The following NRDC variants were observed in gnomAD, a reference collection of about 807,000 sequenced individuals.
NRDC encodes nardilysin convertase, also known as nardilysin.
In NRDC, 54 loss-of-function variants were observed where a neutral mutation model predicts 147.1. The observed-to-expected ratio is 0.37, with a 90% confidence interval of 0.29 to 0.46. The LOEUF (loss-of-function observed/expected upper bound fraction) is 0.46, where lower values mean the gene tolerates loss of function less well. Ranked by LOEUF, NRDC falls within the 20% of genes least tolerant of loss-of-function variation. The probability of loss-of-function intolerance (pLI) is 1.00; values close to 1 mark genes in which losing one functional copy is unlikely to be tolerated. For synonymous variants in NRDC, 440 were observed against 482.1 expected (o/e 0.91, Z 1.14); for missense variants, 1,082 against 1,370.6 (o/e 0.79, Z 3.33).
At chr1:51,791,789 C>A in intron 26 of NRDC, 128 bp from the exon 27 acceptor site, 7 of 782,372 alleles carry the variant, frequency 8.9e-6, no homozygotes, top group Non-Finnish European at 1.5e-5. Flanking sequence ...GAAACAGGAC[C>A]CAAAAATGTT....
intron 3 of NRDC, among the ~76,000 whole-genome samples, chr1:51,835,146 C>T (rs542388826): frequency 6.6e-5 from 10 of 152,276 alleles, no homozygotes; most frequent in South Asian, 4.1e-4. Flanking sequence ...ACTGCAACCT[C>T]CGCCTCTTGG....
At chr1:51,822,175 T>A (rs1357986343) in intron 7 of NRDC, among the ~76,000 whole-genome samples, 1 of 152,130 alleles carries the variant, frequency 6.6e-6, no homozygotes, top group East Asian at 1.9e-4. Context: ...TTGCTTTATC[T>A]GAGTGACCAT....
intron 20 of NRDC, among the ~76,000 whole-genome samples, chr1:51,802,289 A>C (rs1679246127): frequency 6.6e-6 from 1 of 152,118 alleles, no homozygotes; most frequent in South Asian, 2.1e-4. Context: ...CTTTTTGCTA[A>C]ACTGGATTTA....
rs140614740 is a variant in NRDC, at chr1:51,817,188, G to A, written c.1362-799C>T. ...CAAGATATGATTTTCAACTATGTTA[G>A]GCAATCCTTAAAGCCCATACAACCT... On this transcript the variant is annotated intron_variant, in intron 10 of 30. Coordinates refer to ENST00000352171, the MANE Select transcript of NRDC (RefSeq NM_001101662.2). 7.6e-3 allele frequency among the ~76,000 whole-genome samples: 1,157 copies of A among 152,234 alleles called. 16 individuals carry two copies. Among genetic ancestry groups the A allele is most frequent in the African/African-American group, 0.027 (1,103 of 41,540 alleles).
intron 1 of NRDC, among the ~76,000 whole-genome samples, chr1:51,844,754 C>T (rs1438666260): frequency 3.2e-5 from 4 of 123,398 alleles, no homozygotes; most frequent in South Asian, 6.3e-4. Flanking sequence ...AAAGGAATTC[C>T]GGAAGGGAGG....
chr1:51,870,767 TGAATACAGACAGTATTAATAA>T (rs141037994), intron 1 of NRDC, among the ~76,000 whole-genome samples: 4,062 of 152,208 alleles, frequency 0.027, 179 homozygotes, highest in African/African-American at 0.093. Context: ...ATTATTATTA[TGAATACAGACAGTATTAATAA>T]TTAGTAATTA....
chr1:51,809,963 C>A (rs556085867), intron 16 of NRDC, among the ~76,000 whole-genome samples: 1 of 152,026 alleles, frequency 6.6e-6, no homozygotes, highest in East Asian at 1.9e-4. Flanking sequence ...TACCCAGACC[C>A]TCTGACTCAG....
chr1:51,800,840 G>T, intron 20 of NRDC, 157 bp from the exon 21 acceptor site: 1 of 678,302 alleles, frequency 1.5e-6, no homozygotes, highest in East Asian at 2.8e-5. Flanking sequence ...TTGTTCGTTT[G>T]TTTGTTTGGG....
rs115911573 is a variant in NRDC at position 51,791,243 on chromosome 1, A to G, written c.2961-253T>C. Among the ~76,000 whole-genome samples the G allele has an allele frequency of 2.5e-3, 374 of 152,272 alleles. 1 individual carries two copies. Among genetic ancestry groups the G allele is most frequent in the African/African-American group, 8.3e-3 (346 of 41,540 alleles). On this transcript the variant is annotated intron_variant, in intron 27 of 30. Coordinates refer to ENST00000352171, the MANE Select transcript of NRDC (RefSeq NM_001101662.2). ...CATAATGAAGCAGTCACAACCATGT[A>G]TGACCATTCCAAAGCTGAAAACTAA...
intron 1 of NRDC, among the ~76,000 whole-genome samples, chr1:51,857,034 C>G (rs1335075043): frequency 1.3e-5 from 2 of 152,134 alleles, no homozygotes; most frequent in African/African-American, 2.4e-5. Context: ...AAGACTTTAA[C>G]AAGGGCTATG....
intron 1 of NRDC, among the ~76,000 whole-genome samples, chr1:51,843,645 AG>A (rs1203929229): frequency 1.3e-5 from 2 of 152,198 alleles, no homozygotes. Flanking sequence ...CTTTTGTTAC[AG>A]GGGACCATTC....
intron 6 of NRDC, among the ~76,000 whole-genome samples, chr1:51,824,610 C>A (rs1680362669): frequency 6.6e-6 from 1 of 151,972 alleles, no homozygotes; most frequent in Non-Finnish European, 1.5e-5. Context: ...TAAGAAAATG[C>A]CATTATGAAA....
chr1:51,870,732 T>C (rs942664379), intron 1 of NRDC, among the ~76,000 whole-genome samples: 1 of 152,122 alleles, frequency 6.6e-6, no homozygotes, highest in Non-Finnish European at 1.5e-5. Context: ...ATTAATCCTG[T>C]CACCTCACAA....
At chr1:51,815,637 C>T (rs1679934904) in intron 11 of NRDC, among the ~76,000 whole-genome samples, 1 of 152,106 alleles carries the variant, frequency 6.6e-6, no homozygotes, top group African/African-American at 2.4e-5. Flanking sequence ...ATAGTTAACT[C>T]TCCCCTCTTA....
At chr1:51,846,722 G>C (rs568738439) in intron 1 of NRDC, among the ~76,000 whole-genome samples, 10 of 152,244 alleles carry the variant, frequency 6.6e-5, no homozygotes, top group Non-Finnish European at 1.3e-4. Context: ...AACAGCGATG[G>C]AACTCGACCC....
At chr1:51,871,943 C>G (rs189642242) in intron 1 of NRDC, among the ~76,000 whole-genome samples, 176 of 152,240 alleles carry the variant, frequency 1.2e-3, no homozygotes, top group African/African-American at 4.2e-3. Flanking sequence ...GCGATCTTGA[C>G]TCACTGCAAC....
rs1020464984 is a variant in NRDC, at chr1:51,794,588, C to G, written c.2659G>C (p.Glu887Gln). 6.2e-7 allele frequency: 1 copy of G among 1,614,168 alleles called. No individual in the cohort carries two copies. Among genetic ancestry groups the G allele is most frequent in the Non-Finnish European group, 8.5e-7 (1 of 1,180,010 alleles). Residue 887 changes from glutamate to glutamine, a missense_variant, in exon 24 of 31, where the codon GAG becomes CAG. By Grantham distance (29) the Glu-to-Gln change is conservative. Transcript: ENST00000352171. ...TGGAACTGCACAGGCATCTCCTGCT[C>G]CAGAGGCTTGAAGTTTAGTTTGCTG... The part of the protein sequence containing the change: ...VVDKLNFKPL[E>Q]QEMPVQFQVV...
chr1:51,876,124 T>C (rs1418942878), intron 1 of NRDC, among the ~76,000 whole-genome samples: 1 of 152,210 alleles, frequency 6.6e-6, no homozygotes, highest in Non-Finnish European at 1.5e-5. Flanking sequence ...AAACACAGTG[T>C]AGATTCCATA....
At chr1:51,814,653 C>A in intron 12 of NRDC, 40 bp downstream of exon 12, 1 of 1,606,554 alleles carries the variant, frequency 6.2e-7, no homozygotes, top group African/African-American at 1.3e-5. Flanking sequence ...AAAGTGATAT[C>A]TACGTAAAAG....
Sources: gnomAD v4.1 joint callset for allele counts (sites outside exome capture counted in the v4.1 genomes callset) on GRCh38, gnomAD v4.1.1 for gene constraint, MANE v1.5 for transcripts, NCBI Gene and HGNC (gene_info 2026-07-23, HGNC 2026-07-21) for gene names.